NCOA6: variants seen among roughly 807,000 people sequenced by gnomAD.
NCOA6 encodes nuclear receptor coactivator 6, also known as NRC RAP250.
In NCOA6, 49 loss-of-function variants were observed where a neutral mutation model predicts 171.4. That is an observed-to-expected ratio of 0.29 (90% CI 0.23 to 0.36). NCOA6 has a LOEUF of 0.36. NCOA6 is among the 10% of genes least tolerant of loss of function. NCOA6 has a pLI of 1.00. For missense variants in NCOA6, 2,248 were observed against 2,554.5 expected (o/e 0.88, Z 2.59); for synonymous variants, 910 against 927.5 (o/e 0.98, Z 0.34).
intron 2 of NCOA6, among the ~76,000 whole-genome samples, chr20:34,784,039 T>TA (rs1199184531): frequency 5.9e-5 from 9 of 151,754 alleles, no homozygotes; most frequent in African/African-American, 1.7e-4. Flanking sequence ...ACAAGTTTCT[T>TA]AAAAAAAAGA....
chr20:34,784,249 G>A (rs1314211761), intron 2 of NCOA6, among the ~76,000 whole-genome samples: 1 of 147,874 alleles, frequency 6.8e-6, no homozygotes, highest in African/African-American at 2.5e-5. Context: ...TTATTTTTTT[G>A]AGACACGGTC....
chr20:34,824,300 C>T (rs1361920895), intron 1 of NCOA6, among the ~76,000 whole-genome samples: 1 of 152,160 alleles, frequency 6.6e-6, no homozygotes, highest in Admixed American at 6.5e-5. Flanking sequence ...AGGAAGCAGC[C>T]GACAATTTCT....
At chr20:34,819,403 C>A (rs541703640) in intron 1 of NCOA6, 25 of 152,172 alleles carry the variant, frequency 1.6e-4, no homozygotes, top group African/African-American at 5.6e-4. Flanking sequence ...GGTCTGTGTA[C>A]ATTTTTAAGA....
At chr20:34,805,908 G>A (rs968582387) in intron 1 of NCOA6, among the ~76,000 whole-genome samples, 9 of 152,020 alleles carry the variant, frequency 5.9e-5, no homozygotes, top group Middle Eastern at 3.4e-3. Context: ...GGCTAGTCTC[G>A]AACTCCTGAC....
chr20:34,779,885 T>C (rs1225752934), intron 3 of NCOA6, among the ~76,000 whole-genome samples: 1 of 151,948 alleles, frequency 6.6e-6, no homozygotes, highest in Non-Finnish European at 1.5e-5. Flanking sequence ...AACACAATCA[T>C]AGGAATTTAG....
Position 34,742,753 on chromosome 20 carries a change from G to A in NCOA6, c.3503C>T (p.Pro1168Leu), listed in dbSNP as rs1315355575. The change falls in exon 11 of 15, where the codon CCT becomes CTT. Residue 1168 changes from proline to leucine, a missense_variant. This residue lies in a region of NCOA6 where 352 missense variants were observed against 419.1 expected (regional missense o/e 0.84). Transcript: ENST00000359003. ...AGTTGCTGAAAGGGGCGATGGTCCA[G>A]GTTTTGGCCCTGTCATCATTAACTG... ...QNQLMMTGPK[P>L]GPSPLSATQG... is the part of the protein sequence containing the mutation. 6.2e-7 allele frequency: 1 copy of A among 1,614,184 alleles called. No homozygotes were observed. Among genetic ancestry groups the A allele is most frequent in the East Asian group, 2.2e-5 (1 of 44,878 alleles).
At position 34,776,421 on chromosome 20, in the gene NCOA6, A is replaced by G. The variant is rs2077324402; in HGVS notation, c.263T>C (p.Val88Ala). The change falls in exon 4 of 15, where the codon GTG becomes GCG. Residue 88 changes from valine (V) to alanine (A), a missense_variant. By Grantham distance (64) the Val-to-Ala change is moderately conservative (BLOSUM62 0). Around this residue, in one of 7 missense-constraint regions of NCOA6, gnomAD observed 987 missense variants for 1,104.7 expected, o/e 0.89. Coordinates refer to ENST00000359003, the MANE Select transcript of NCOA6 (RefSeq NM_014071.5). ...CACACGCACGCTGTTCCAGGGCTCC[A>G]CCTTCTGTACTTTTAGCTTGCTGGA... ...MESSKLKVQK[V>A]EPWNSVRVTF... The G allele has an allele frequency of 6.2e-7, 1 of 1,614,114 alleles. No individual in the cohort carries two copies. The highest frequency in any genetic ancestry group is 8.5e-7 in the Non-Finnish European group (1 of 1,180,018).
intron 5 of NCOA6, among the ~76,000 whole-genome samples, chr20:34,765,592 C>G (rs2076958722): frequency 6.6e-6 from 1 of 152,014 alleles, no homozygotes; most frequent in Admixed American, 6.6e-5. Context: ...ATCCAAGGTT[C>G]TCACCTAGGG....
intron 4 of NCOA6, among the ~76,000 whole-genome samples, chr20:34,772,162 A>G (rs1057359470): frequency 6.6e-6 from 1 of 152,172 alleles, no homozygotes; most frequent in African/African-American, 2.4e-5. Flanking sequence ...TCTATAAAAA[A>G]TTAGTCAGGT....
At chr20:34,763,379 AT>A (rs2076875179) in intron 5 of NCOA6, among the ~76,000 whole-genome samples, 1 of 152,132 alleles carries the variant, frequency 6.6e-6, no homozygotes, top group Admixed American at 6.5e-5. Context: ...TGAATAAGTT[AT>A]CCACTTTGAT....
chr20:34,748,682 C>A (rs1040855464), intron 9 of NCOA6, among the ~76,000 whole-genome samples: 1 of 152,130 alleles, frequency 6.6e-6, no homozygotes, highest in South Asian at 2.1e-4. Flanking sequence ...CTGCTATGAT[C>A]TTGCAAAATA....
chr20:34,775,468 T>C (rs1321864813), intron 4 of NCOA6, among the ~76,000 whole-genome samples: 1 of 151,916 alleles, frequency 6.6e-6, no homozygotes, highest in Non-Finnish European at 1.5e-5. Context: ...GTGGATCACC[T>C]GAGGTCAGAA....
intron 2 of NCOA6, among the ~76,000 whole-genome samples, chr20:34,783,239 G>A (rs1365461341): frequency 2.0e-5 from 3 of 151,846 alleles, no homozygotes; most frequent in African/African-American, 2.4e-5. Context: ...CCGAGGTTGC[G>A]TCACTGCACT....
At chr20:34,775,133 T>C (rs1045181066) in intron 4 of NCOA6, among the ~76,000 whole-genome samples, 7 of 152,084 alleles carry the variant, frequency 4.6e-5, no homozygotes, top group Non-Finnish European at 8.8e-5. Flanking sequence ...GCTGAGAAGC[T>C]GGAACACAGG....
At chr20:34,735,336 G>C (rs2075917747) in intron 12 of NCOA6, among the ~76,000 whole-genome samples, 1 of 152,022 alleles carries the variant, frequency 6.6e-6, no homozygotes, top group Non-Finnish European at 1.5e-5. Flanking sequence ...GTGGGCAATT[G>C]GCAGCAAAGA....
At chr20:34,734,213 C>T (rs537555196) in intron 12 of NCOA6, among the ~76,000 whole-genome samples, 18 of 151,618 alleles carry the variant, frequency 1.2e-4, no homozygotes, top group African/African-American at 4.1e-4. Flanking sequence ...TATAGGCACG[C>T]GGTACCAGGC....
intron 1 of NCOA6, among the ~76,000 whole-genome samples, chr20:34,824,288 T>C (rs1228730629): frequency 2.0e-5 from 3 of 152,228 alleles, no homozygotes; most frequent in African/African-American, 7.2e-5. Flanking sequence ...ATGTGTTTAG[T>C]GAGGAAGCAG....
intron 5 of NCOA6, among the ~76,000 whole-genome samples, chr20:34,762,658 T>G (rs1027734808): frequency 2.0e-5 from 3 of 152,172 alleles, no homozygotes; most frequent in African/African-American, 7.2e-5. Context: ...ACATATATGA[T>G]CATCATTATT....
intron 9 of NCOA6, among the ~76,000 whole-genome samples, chr20:34,748,781 A>G (rs1320204968): frequency 1.3e-5 from 2 of 152,212 alleles, no homozygotes; most frequent in Non-Finnish European, 2.9e-5. Flanking sequence ...AGGGATGATA[A>G]AGAGCCTTTA....
Sources: gnomAD v4.1 joint callset for allele counts (sites outside exome capture counted in the v4.1 genomes callset) on GRCh38, gnomAD v4.1.1 for gene constraint, gnomAD v4.1.1 regional missense constraint, MANE v1.5 for transcripts, NCBI Gene and HGNC (gene_info 2026-07-23, HGNC 2026-07-21) for gene names.